The following PPARGC1A variants were observed in gnomAD, a reference collection of about 807,000 sequenced individuals.
PPARGC1A encodes the protein peroxisome proliferator-activated receptor gamma coactivator 1-alpha.
PPARGC1A carries 25 observed loss-of-function variants against 88.7 expected under a neutral mutation model. The ratio of observed to expected loss-of-function variants is 0.28; its 90% CI spans 0.21 to 0.39. PPARGC1A has a LOEUF of 0.39. Among genes scored for constraint, PPARGC1A ranks in the 10% least tolerant of loss-of-function variants. The pLI is 1.00. For missense variants in PPARGC1A, 880 were observed against 968.7 expected, an observed-to-expected ratio of 0.91 and a Z score of 1.22; for synonymous variants, 363 against 355.6, an observed-to-expected ratio of 1.02 and a Z score of -0.24.
the PPARGC1A span, among the ~76,000 whole-genome samples, chr4:23,930,576 T>C: frequency 6.6e-6 from 1 of 152,236 alleles, no homozygotes; most frequent in Non-Finnish European, 1.5e-5. Flanking sequence ...ATTGATTTCT[T>C]TCTTTTTAGG....
At chr4:24,169,634 C>T in the PPARGC1A span, among the ~76,000 whole-genome samples, 1 of 151,964 alleles carries the variant, frequency 6.6e-6, no homozygotes, top group African/African-American at 2.4e-5. Flanking sequence ...CTTTGGGATG[C>T]CGAGGTGGGT....
At position 23,858,755 on chromosome 4, in the gene PPARGC1A, A is replaced by G. The variant is rs1730659947; in HGVS notation, c.234+25997T>C. On this transcript the variant is annotated intron_variant, in intron 2 of 12. Coordinates refer to ENST00000264867, the MANE Select transcript of PPARGC1A (RefSeq NM_013261.5). Reference sequence around the variant, plus strand: ...AAATCTCACCTTTGTCATTGCTAGCAATTACCTGGCAAACCTCTTAACTCG... The same window carrying G: ...AAATCTCACCTTTGTCATTGCTAGCGATTACCTGGCAAACCTCTTAACTCG... Among the ~76,000 whole-genome samples the G allele has an allele frequency of 2.0e-5, 3 of 152,164 alleles. No homozygotes were observed. The South Asian group carries it at 6.2e-4, about 32-fold the overall frequency.
the PPARGC1A span, among the ~76,000 whole-genome samples, chr4:24,059,301 T>C: frequency 6.6e-6 from 1 of 152,204 alleles, no homozygotes; most frequent in Non-Finnish European, 1.5e-5. Context: ...AGGACTTTTC[T>C]CAGAATTTGT....
At chr4:24,453,336 T>A in the PPARGC1A span, among the ~76,000 whole-genome samples, 1 of 152,252 alleles carries the variant, frequency 6.6e-6, no homozygotes, top group East Asian at 1.9e-4. Flanking sequence ...CTAAGCTTAA[T>A]AATGATGTAC....
chr4:23,914,550 T>G, the PPARGC1A span, among the ~76,000 whole-genome samples: 1 of 152,176 alleles, frequency 6.6e-6, no homozygotes, highest in African/African-American at 2.4e-5. Flanking sequence ...TCCCCAAAAC[T>G]TGAGAATATG....
intron 1 of PPARGC1A, chr4:23,888,974 T>A: frequency 1.0e-6 from 1 of 985,386 alleles, no homozygotes. Flanking sequence ...GTTTCCCAAG[T>A]TGCCCAAACT....
chr4:23,891,783 T>C (rs183591378), upstream of PPARGC1A, among the ~76,000 whole-genome samples: 1 of 152,298 alleles, frequency 6.6e-6, no homozygotes, highest in Admixed American at 6.5e-5. Context: ...AATTTTCTAA[T>C]GAAAGAACAG....
chr4:24,254,934 C>T, the PPARGC1A span, among the ~76,000 whole-genome samples: 1 of 152,104 alleles, frequency 6.6e-6, no homozygotes, highest in Non-Finnish European at 1.5e-5. Context: ...GGAAATGATC[C>T]TATTTTTGGA....
the PPARGC1A span, among the ~76,000 whole-genome samples, chr4:24,082,344 T>A: frequency 6.6e-6 from 1 of 152,094 alleles, no homozygotes; most frequent in Admixed American, 6.5e-5. Context: ...TGAGAGGCTT[T>A]AGAGAGAGGT....
the PPARGC1A span, among the ~76,000 whole-genome samples, chr4:24,361,908 C>T: frequency 4.6e-5 from 7 of 152,186 alleles, no homozygotes; most frequent in Non-Finnish European, 1.5e-5. Context: ...CTAACCTAAA[C>T]AGTCTCCTCA....
At chr4:23,861,356 A>G (rs1731197349) in intron 2 of PPARGC1A, among the ~76,000 whole-genome samples, 1 of 152,194 alleles carries the variant, frequency 6.6e-6, no homozygotes, top group South Asian at 2.1e-4. Context: ...CATGTTACCC[A>G]GGTAATTTTC....
the PPARGC1A span, among the ~76,000 whole-genome samples, chr4:24,190,170 G>T: frequency 2.6e-5 from 4 of 152,042 alleles, no homozygotes. Flanking sequence ...TACATGAGTG[G>T]CTCCCAACTC....
Position 23,872,923 on chromosome 4 carries a change from G to GGCTC in PPARGC1A, c.234+11825_234+11828dup, listed in dbSNP as rs1713727104. 1.3e-5 allele frequency among the ~76,000 whole-genome samples: 2 copies of GGCTC among 152,150 alleles called. 1 individual carries two copies. Among genetic ancestry groups the GGCTC allele is most frequent in the South Asian group, 4.1e-4 (2 of 4,830 alleles). ...TAAGAAAATGTGGGCCGGGTGCAGT[G>GGCTC]GCTCACACCTGTAATCCCGCACTTC... On this transcript the variant is annotated intron_variant, in intron 2 of 12. Coordinates refer to ENST00000264867, the MANE Select transcript of PPARGC1A (RefSeq NM_013261.5).
chr4:23,938,007 TG>T, the PPARGC1A span, among the ~76,000 whole-genome samples: 2 of 151,986 alleles, frequency 1.3e-5, no homozygotes, highest in South Asian at 4.2e-4. Context: ...GGCTTGGAGG[TG>T]GGTCCAAAAG....
At chr4:24,201,440 G>A in the PPARGC1A span, among the ~76,000 whole-genome samples, 1 of 152,210 alleles carries the variant, frequency 6.6e-6, no homozygotes, top group Non-Finnish European at 1.5e-5. Flanking sequence ...AGCAGAGTCA[G>A]CCATTTTTAA....
the PPARGC1A span, among the ~76,000 whole-genome samples, chr4:24,068,140 A>T: frequency 6.6e-6 from 1 of 152,216 alleles, no homozygotes; most frequent in South Asian, 2.1e-4. Flanking sequence ...ACCCTCCAGG[A>T]AGCCACTCTT....
At chr4:24,034,013 G>A in the PPARGC1A span, among the ~76,000 whole-genome samples, 4 of 152,072 alleles carry the variant, frequency 2.6e-5, no homozygotes, top group African/African-American at 9.7e-5. Context: ...TAAACAAGTG[G>A]GTGAGCAGAG....
At chr4:24,324,213 T>A in the PPARGC1A span, among the ~76,000 whole-genome samples, 1 of 144,446 alleles carries the variant, frequency 6.9e-6, no homozygotes, top group African/African-American at 2.9e-5. Context: ...CCCCAACCCC[T>A]TCTCTCCTTG....
At chr4:24,199,524 G>A in the PPARGC1A span, among the ~76,000 whole-genome samples, 1 of 152,158 alleles carries the variant, frequency 6.6e-6, no homozygotes, top group Non-Finnish European at 1.5e-5. Flanking sequence ...ATGAGTAGGA[G>A]TTTGCCGATC....
Sources: gnomAD v4.1 joint callset for allele counts (sites outside exome capture counted in the v4.1 genomes callset) on GRCh38, gnomAD v4.1.1 for gene constraint, MANE v1.5 for transcripts, NCBI Gene and HGNC (gene_info 2026-07-23, HGNC 2026-07-21) for gene names.